WWTR1: variants seen among roughly 807,000 people sequenced by gnomAD.
The protein encoded by WWTR1 is WW domain containing transcription regulator 1.
In WWTR1, 13 loss-of-function variants were observed where a neutral mutation model predicts 40.1. The observed-to-expected ratio is 0.32, with a 90% confidence interval of 0.21 to 0.52. The LOEUF is 0.52. WWTR1 is among the 20% of genes least tolerant of loss of function. The probability of loss-of-function intolerance (pLI) is 0.97; values close to 1 mark genes in which losing one functional copy is unlikely to be tolerated. For synonymous variants in WWTR1, 230 were observed against 210.1 expected, an observed-to-expected ratio of 1.09 and a Z score of -0.82; for missense variants, 436 against 523.1, an observed-to-expected ratio of 0.83 and a Z score of 1.63.
intron 2 of WWTR1, among the ~76,000 whole-genome samples, chr3:149,654,095 C>T (rs1300714563): frequency 6.6e-6 from 1 of 151,196 alleles, no homozygotes; most frequent in Non-Finnish European, 1.5e-5. Flanking sequence ...CATAGTGAAA[C>T]CCCATCTCTA....
chr3:149,604,788 C>CT (rs1452639868), intron 2 of WWTR1, among the ~76,000 whole-genome samples: 2 of 152,242 alleles, frequency 1.3e-5, no homozygotes, highest in Non-Finnish European at 2.9e-5. Flanking sequence ...ATCAGACACA[C>CT]TGGCAGGCCA....
At chr3:149,526,565 G>C (rs1735325246) in intron 5 of WWTR1, among the ~76,000 whole-genome samples, 1 of 152,186 alleles carries the variant, frequency 6.6e-6, no homozygotes, top group Admixed American at 6.5e-5. Context: ...AGATTTCAGT[G>C]GTGGGGGGAT....
intron 6 of WWTR1, among the ~76,000 whole-genome samples, chr3:149,523,524 A>T (rs1433690334): frequency 6.6e-6 from 1 of 152,226 alleles, no homozygotes; most frequent in Non-Finnish European, 1.5e-5. Flanking sequence ...CTGGGATTAC[A>T]GGTGTGAACC....
chr3:149,697,108 C>T (rs1436679130), intron 1 of WWTR1, among the ~76,000 whole-genome samples: 1 of 152,098 alleles, frequency 6.6e-6, no homozygotes, highest in Non-Finnish European at 1.5e-5. Context: ...TTTTATATTG[C>T]TATAAAGGAA....
At chr3:149,681,921 G>A (rs115034219) in intron 1 of WWTR1, among the ~76,000 whole-genome samples, 2,955 of 152,200 alleles carry the variant, frequency 0.019, 100 homozygotes, top group African/African-American at 0.067. Context: ...AGTTGCTAAA[G>A]TTTCAGTTAT....
intron 1 of WWTR1, among the ~76,000 whole-genome samples, chr3:149,698,612 G>C (rs1474454278): frequency 6.6e-6 from 1 of 152,230 alleles, no homozygotes; most frequent in African/African-American, 2.4e-5. Context: ...TGCCTTAGTA[G>C]AGTTTCTCTC....
chr3:149,634,865 G>A (rs538869540), intron 2 of WWTR1, among the ~76,000 whole-genome samples: 15 of 152,250 alleles, frequency 9.9e-5, no homozygotes, highest in Middle Eastern at 3.4e-3. Flanking sequence ...CTCCAGACCC[G>A]GCCACGGTAT....
At chr3:149,525,810 C>T (rs986462735) in intron 6 of WWTR1, 4 of 358,642 alleles carry the variant, frequency 1.1e-5, no homozygotes, top group African/African-American at 6.3e-5. Flanking sequence ...GGGTACTATG[C>T]TCACTACCTG....
At position 149,682,779 on chromosome 3, in the gene WWTR1, A is replaced by G. The variant is rs746087852; in HGVS notation, c.-107-12888T>C. On this transcript the variant is annotated intron_variant, in intron 1 of 7. Coordinates refer to the WWTR1 transcript ENST00000465804. The stretch of plus-strand genomic sequence containing the variant: ...CAAGCTATTGTATTAAACTGCAGGG[A>G]GACAGAGATCTCCCCACCCTAGGTA... Among the ~76,000 whole-genome samples, 8 of 152,278 alleles carry G rather than the reference A, an allele frequency of 5.3e-5. No homozygotes were observed. The Middle Eastern group carries it at 0.01, about 194-fold the overall frequency.
At position 149,561,648 on chromosome 3, in the gene WWTR1, C is replaced by T. The variant is rs532648531; in HGVS notation, c.568+11216G>A. Among the ~76,000 whole-genome samples the T allele has an allele frequency of 3.3e-5, 5 of 152,292 alleles. No homozygotes were observed. In the South Asian group the frequency reaches 1.0e-3, roughly 32 times the overall value. ...CCAACCAGAAAATAAACTAAATATC[C>T]AGCACACAGGACTGGTTAAACCAAG... On this transcript the variant is annotated intron_variant, in intron 3 of 6. Coordinates refer to ENST00000360632, the MANE Select transcript of WWTR1 (RefSeq NM_015472.6).
At chr3:149,679,274 AC>A (rs1184503437) in intron 1 of WWTR1, among the ~76,000 whole-genome samples, 1 of 152,260 alleles carries the variant, frequency 6.6e-6, no homozygotes, top group Non-Finnish European at 1.5e-5. Context: ...AAGAATGGAT[AC>A]ATATGTTTGA....
chr3:149,683,318 C>T (rs932975677), intron 1 of WWTR1, among the ~76,000 whole-genome samples: 3 of 152,158 alleles, frequency 2.0e-5, no homozygotes, highest in Non-Finnish European at 4.4e-5. Flanking sequence ...TGTTAGTTTT[C>T]ATAATGGGTT....
At chr3:149,532,058 T>C (rs1735605947) in intron 4 of WWTR1, among the ~76,000 whole-genome samples, 1 of 152,210 alleles carries the variant, frequency 6.6e-6, no homozygotes, top group Non-Finnish European at 1.5e-5. Context: ...AGCTAGATGC[T>C]TGAATTGGAA....
At chr3:149,584,911 C>T (rs1164236136) in intron 2 of WWTR1, among the ~76,000 whole-genome samples, 1 of 152,038 alleles carries the variant, frequency 6.6e-6, no homozygotes, top group South Asian at 2.1e-4. Context: ...AGCACAGTGC[C>T]GGATATGCAT....
At chr3:149,587,446 G>T (rs1738480843) in intron 2 of WWTR1, among the ~76,000 whole-genome samples, 1 of 152,154 alleles carries the variant, frequency 6.6e-6, no homozygotes, top group Admixed American at 6.6e-5. Flanking sequence ...CCCAAAAGGT[G>T]GGAAGCGCCG....
chr3:149,521,025 T>A (rs761951601), intron 6 of WWTR1, 36 bp from the exon 7 acceptor site: 1 of 1,536,138 alleles, frequency 6.5e-7, no homozygotes, highest in Non-Finnish European at 8.7e-7. Context: ...TTTAATTCCT[T>A]CTTTTAGGCT....
intron 2 of WWTR1, among the ~76,000 whole-genome samples, chr3:149,609,653 T>C (rs1739644969): frequency 6.6e-6 from 1 of 152,242 alleles, no homozygotes; most frequent in Non-Finnish European, 1.5e-5. Flanking sequence ...CCATGAAGTC[T>C]AAACTATTTA....
chr3:149,711,398 T>G (rs1444541374), intron 5 of WWTR1, among the ~76,000 whole-genome samples: 1 of 152,192 alleles, frequency 6.6e-6, no homozygotes, highest in African/African-American at 2.4e-5. Context: ...AAATAATAAA[T>G]AATTCTACTA....
chr3:149,714,827 A>G (rs991601412), intron 5 of WWTR1, among the ~76,000 whole-genome samples: 3 of 152,202 alleles, frequency 2.0e-5, no homozygotes, highest in Non-Finnish European at 4.4e-5. Flanking sequence ...CCATGGACCA[A>G]TCAGCACACA....
Sources: allele counts gnomAD v4.1 joint callset (sites outside exome capture counted in the v4.1 genomes callset), GRCh38; gene constraint gnomAD v4.1.1; transcripts MANE v1.5; gene names NCBI Gene and HGNC (gene_info 2026-07-23, HGNC 2026-07-21).